Variants in CHST8 observed in about 807,000 individuals in gnomAD.
The protein encoded by CHST8 is carbohydrate sulfotransferase 8, also known as GALNAC-4-ST1.
A neutral mutation model predicts 15.0 loss-of-function variants in CHST8; 10 were observed. The observed-to-expected ratio is 0.67, with a 90% CI of 0.41 to 1.13. CHST8 has a LOEUF of 1.13. Among genes scored for constraint, CHST8 ranks in the 50% most tolerant of loss-of-function variants. The pLI, the probability that CHST8 is intolerant of heterozygous loss-of-function variation, is 0.00. For missense variants in CHST8, 634 were observed against 608.2 expected (o/e 1.04, Z -0.45); for synonymous variants, 259 against 256.6 (o/e 1.01, Z -0.09).
intron 2 of CHST8, among the ~76,000 whole-genome samples, chr19:33,673,590 C>CTG (rs1413186589): frequency 5.3e-5 from 8 of 151,918 alleles, no homozygotes; most frequent in Non-Finnish European, 1.5e-5. Flanking sequence ...CGGAGGACGT[C>CTG]TGTGTGTGTG....
At chr19:33,730,656 G>T (rs1973977438) in intron 3 of CHST8, among the ~76,000 whole-genome samples, 2 of 152,220 alleles carry the variant, frequency 1.3e-5, no homozygotes, top group African/African-American at 4.8e-5. Context: ...ATTAGTCAGG[G>T]TTTTCTAAAG....
rs1402190641 is a variant in CHST8, at chr19:33,766,593, G to A, written c.131-4820G>A. Among the ~76,000 whole-genome samples the A allele has an allele frequency of 3.9e-5, 6 of 152,352 alleles. No individual in the cohort carries two copies. The East Asian group carries it at 9.7e-4, about 25-fold the overall frequency. ...AGCAGGGCAGAGGCCGGCAGCCTGG[G>A]CTGTCCGGGACAACAGTGTTCATCC... is the stretch of plus-strand genomic sequence containing the variant. On this transcript the variant is annotated intron_variant, in intron 3 of 4. Coordinates refer to ENST00000650847, the MANE Select transcript of CHST8 (RefSeq NM_001127895.2).
intron 3 of CHST8, among the ~76,000 whole-genome samples, chr19:33,735,015 C>T (rs754095354): frequency 6.6e-5 from 10 of 152,196 alleles, no homozygotes; most frequent in Non-Finnish European, 1.3e-4. Flanking sequence ...ATAGGGAAGT[C>T]CCAGCCCAGG....
intron 1 of CHST8, among the ~76,000 whole-genome samples, chr19:33,636,282 C>T (rs1417624793): frequency 6.6e-6 from 1 of 152,154 alleles, no homozygotes; most frequent in African/African-American, 2.4e-5. Context: ...AGGCAGACAG[C>T]TCATAAAGAT....
intron 1 of CHST8, among the ~76,000 whole-genome samples, chr19:33,637,062 TC>T (rs1290870205): frequency 6.6e-6 from 1 of 152,192 alleles, no homozygotes; most frequent in Non-Finnish European, 1.5e-5. Flanking sequence ...GAGGGTAACT[TC>T]CTGATGTTGC....
chr19:33,709,170 A>G lies in CHST8; in HGVS notation c.130+19779A>G, dbSNP rs1278316858. Among the ~76,000 whole-genome samples the G allele has an allele frequency of 2.0e-5, 3 of 152,206 alleles. No individual in the cohort carries two copies. The East Asian group carries it at 5.8e-4, about 29-fold the overall frequency. On this transcript the variant is annotated intron_variant, in intron 3 of 4. Transcript: ENST00000650847. Reference sequence around the variant, plus strand: ...AATTATGCTCTCTGCAAATAATGAGATGTTTACATCGTCATTTCCAGCTCG... The same window carrying G: ...AATTATGCTCTCTGCAAATAATGAGGTGTTTACATCGTCATTTCCAGCTCG...
chr19:33,756,280 G>T (rs573957283), intron 3 of CHST8, among the ~76,000 whole-genome samples: 1 of 152,200 alleles, frequency 6.6e-6, no homozygotes, highest in African/African-American at 2.4e-5. Context: ...CGAGGCTGGC[G>T]TTAGGCGGTG....
Position 33,757,454 on chromosome 19 carries a change from G to T in CHST8, c.131-13959G>T, listed in dbSNP as rs1568358439. ...AGAAAGAAAGAAAGAAAGAAAGAAA[G>T]AAAGAAAGAAAGAAAGAAAGAAAGA... is the stretch of plus-strand genomic sequence containing the variant. On this transcript the variant is annotated intron_variant, in intron 3 of 4. Transcript: ENST00000650847. Among the ~76,000 whole-genome samples the T allele has an allele frequency of 4.1e-3, 143 of 34,516 alleles. 19 individuals carry two copies. Among genetic ancestry groups the T allele is most frequent in the Middle Eastern group, 0.016 (1 of 64 alleles). 22.6% of individuals were successfully genotyped at this position (34,516 alleles called of 152,430 possible).
intron 1 of CHST8, among the ~76,000 whole-genome samples, chr19:33,653,997 T>A (rs1406318402): frequency 6.6e-6 from 1 of 152,174 alleles, no homozygotes; most frequent in African/African-American, 2.4e-5. Flanking sequence ...TCAGTTTTAT[T>A]TTGGACCCTC....
At chr19:33,693,996 C>T (rs1174866745) in intron 3 of CHST8, among the ~76,000 whole-genome samples, 1 of 147,374 alleles carries the variant, frequency 6.8e-6, no homozygotes, top group Non-Finnish European at 1.5e-5. Flanking sequence ...TGTCAGTGAC[C>T]CATGAAGCCA....
At chr19:33,635,750 G>A (rs145495357) in intron 1 of CHST8, among the ~76,000 whole-genome samples, 2 of 152,268 alleles carry the variant, frequency 1.3e-5, no homozygotes, top group East Asian at 3.9e-4. Flanking sequence ...CGATGGTCAG[G>A]GTTCACTGGA....
chr19:33,747,793 A>T (rs1430119926), intron 3 of CHST8, among the ~76,000 whole-genome samples: 1 of 152,182 alleles, frequency 6.6e-6, no homozygotes, highest in Non-Finnish European at 1.5e-5. Flanking sequence ...GAAATGTTTC[A>T]TGACAAAAAA....
intron 3 of CHST8, among the ~76,000 whole-genome samples, chr19:33,754,076 C>G (rs532977161): frequency 4.5e-5 from 3 of 66,878 alleles, no homozygotes; most frequent in Non-Finnish European, 8.7e-5. Flanking sequence ...CACACCATCT[C>G]CCACCATCCA....
chr19:33,629,539 T>C (rs776618989), intron 1 of CHST8, among the ~76,000 whole-genome samples: 16 of 152,244 alleles, frequency 1.1e-4, no homozygotes, highest in Non-Finnish European at 2.4e-4. Flanking sequence ...CTGGGTTCCC[T>C]GCAGACATCG....
intron 1 of CHST8, among the ~76,000 whole-genome samples, 168 bp from the exon 2 acceptor site, chr19:33,667,599 T>G (rs181350588): frequency 1.2e-4 from 18 of 152,298 alleles, no homozygotes; most frequent in East Asian, 3.9e-4. Flanking sequence ...CAGCTTGTTT[T>G]CTTTTCCTCC....
intron 3 of CHST8, among the ~76,000 whole-genome samples, chr19:33,770,806 C>A (rs2145395915): frequency 6.6e-6 from 1 of 152,330 alleles, no homozygotes; most frequent in South Asian, 2.1e-4. Context: ...TAGCTCACCC[C>A]AGAACTCCAG....
chr19:33,717,112 T>A (rs910661271), intron 3 of CHST8, among the ~76,000 whole-genome samples: 2 of 152,126 alleles, frequency 1.3e-5, no homozygotes, highest in Non-Finnish European at 2.9e-5. Context: ...TTGACACCCT[T>A]GCAAGAAGGA....
intron 3 of CHST8, among the ~76,000 whole-genome samples, chr19:33,742,344 C>T (rs1230749018): frequency 1.3e-5 from 2 of 152,190 alleles, no homozygotes; most frequent in African/African-American, 4.8e-5. Flanking sequence ...ATTCTGCAGG[C>T]TGTACAAGCG....
In CHST8 at chr19:33,773,027, G is replaced by A; in HGVS notation, c.1239G>A (p.Met413Ile). 1 of 1,611,050 alleles carries A rather than the reference G, an allele frequency of 6.2e-7. No individual in the cohort carries two copies. Among genetic ancestry groups the A allele is most frequent in the Non-Finnish European group, 8.5e-7 (1 of 1,179,898 alleles). The part of the protein sequence containing the change: ...TYDFYYMDYL[M>I]FNYSKPFADL... ...ACTTCTACTACATGGATTACCTGAT[G>A]TTCAACTATTCCAAGCCCTTTGCAG... The change falls in exon 5 of 5, where the codon ATG becomes ATA. Residue 413 changes from methionine (M) to isoleucine (I), a missense_variant. Met to Ile is a conservative substitution (Grantham distance 10). Coordinates refer to ENST00000650847, the MANE Select transcript of CHST8 (RefSeq NM_001127895.2).
Sources: allele counts gnomAD v4.1 joint callset (sites outside exome capture counted in the v4.1 genomes callset), GRCh38; gene constraint gnomAD v4.1.1; transcripts MANE v1.5; gene names NCBI Gene and HGNC (gene_info 2026-07-23, HGNC 2026-07-21).